The following ANO3 variants were observed in gnomAD, a reference collection of about 807,000 sequenced individuals.
ANO3 encodes anoctamin-3.
In ANO3, 99 loss-of-function variants were observed where a neutral mutation model predicts 144.8. That is an observed-to-expected ratio of 0.68 (90% confidence interval 0.58 to 0.81). The LOEUF is 0.81. Ranked by LOEUF, ANO3 falls within the 30% of genes least tolerant of loss-of-function variation. ANO3 has a pLI of 0.00. For missense variants in ANO3, 905 were observed against 1,202.2 expected, an observed-to-expected ratio of 0.75 and a Z score of 3.66; for synonymous variants, 414 against 392.6, an observed-to-expected ratio of 1.05 and a Z score of -0.64.
At chr11:26,526,429 A>C (rs946025163) in intron 7 of ANO3, among the ~76,000 whole-genome samples, 3 of 152,156 alleles carry the variant, frequency 2.0e-5, no homozygotes, top group Admixed American at 1.3e-4. Context: ...ACCAGTTAAC[A>C]AAGATAAAGC....
chr11:26,468,268 G>A (rs575973937), intron 4 of ANO3, among the ~76,000 whole-genome samples: 2 of 152,020 alleles, frequency 1.3e-5, no homozygotes, highest in Non-Finnish European at 2.9e-5. Flanking sequence ...GATATTTCAC[G>A]GGTCCACCAC....
chr11:26,236,136 G>C (rs1320384400), intron 1 of ANO3, among the ~76,000 whole-genome samples: 2 of 152,014 alleles, frequency 1.3e-5, no homozygotes, highest in Admixed American at 6.6e-5. Context: ...GTGCATCATA[G>C]TTTATTAAAC....
intron 14 of ANO3, among the ~76,000 whole-genome samples, chr11:26,587,963 T>TAAA (rs1240540374): frequency 6.8e-6 from 1 of 147,476 alleles, no homozygotes; most frequent in African/African-American, 2.5e-5. Context: ...AAAAAGTACT[T>TAAA]AAAAAGGTTC....
In ANO3 at chr11:26,661,454, G is replaced by A. The variant is rs1204134382; in HGVS notation, c.*1010G>A. The stretch of plus-strand genomic sequence containing the variant: ...TTTTGCTATTGTAATATGTTTATTC[G>A]GGAAAACTGAGGCCAGATGCTCTGC... On this transcript the variant is annotated 3_prime_UTR_variant, in exon 27 of 27. Coordinates refer to ENST00000256737, the MANE Select transcript of ANO3 (RefSeq NM_031418.4). 3.3e-5 allele frequency: 5 copies of A among 152,408 alleles called. No homozygotes were observed. The highest frequency in any genetic ancestry group is 7.4e-5 in the Non-Finnish European group (5 of 67,994). The allele number at this position is 152,408 out of a possible 1,614,324, so 9.4% of individuals were successfully genotyped here.
chr11:26,643,747 A>AT (rs1853248282), intron 23 of ANO3, among the ~76,000 whole-genome samples: 1 of 152,198 alleles, frequency 6.6e-6, no homozygotes, highest in Non-Finnish European at 1.5e-5. Context: ...AGAAGTGATT[A>AT]AGCCATGATC....
At chr11:26,608,391 C>T (rs11029640) in intron 17 of ANO3, among the ~76,000 whole-genome samples, 1 of 152,118 alleles carries the variant, frequency 6.6e-6, no homozygotes, top group Non-Finnish European at 1.5e-5. Flanking sequence ...TGTCTGACAA[C>T]CCCTGCTGGA....
At chr11:26,552,043 T>C (rs1849946956) in intron 12 of ANO3, among the ~76,000 whole-genome samples, 1 of 152,052 alleles carries the variant, frequency 6.6e-6, no homozygotes, top group Admixed American at 6.6e-5. Context: ...TCAGAAAACC[T>C]AAGCTTGGGG....
intron 14 of ANO3, among the ~76,000 whole-genome samples, chr11:26,594,973 A>G (rs10835006): frequency 0.58 from 88,201 of 151,938 alleles, 27,614 homozygotes; most frequent in East Asian, 0.81. Context: ...TTCTTAGCGT[A>G]TGAGGGTCAA....
intron 1 of ANO3, among the ~76,000 whole-genome samples, chr11:26,257,730 TATAG>T (rs1162191922): frequency 9.9e-5 from 15 of 151,958 alleles, no homozygotes; most frequent in Admixed American, 5.2e-4. Flanking sequence ...CAGTACTCTA[TATAG>T]AAAGACATAA....
At chr11:26,450,802 G>T (rs112356848) in intron 3 of ANO3, among the ~76,000 whole-genome samples, 18 of 152,134 alleles carry the variant, frequency 1.2e-4, no homozygotes, top group Admixed American at 3.3e-4. Flanking sequence ...GTATAGCATC[G>T]ATTTTCAAAT....
chr11:26,433,446 G>A (rs958614268), intron 1 of ANO3, among the ~76,000 whole-genome samples: 1 of 152,130 alleles, frequency 6.6e-6, no homozygotes, highest in African/African-American at 2.4e-5. Flanking sequence ...TAGGAGTGGT[G>A]AGAGAGGGCA....
intron 1 of ANO3, among the ~76,000 whole-genome samples, chr11:26,237,715 C>CT (rs34130440): frequency 1.3e-5 from 2 of 151,894 alleles, no homozygotes; most frequent in African/African-American, 2.4e-5. Flanking sequence ...CTAAAGTAGT[C>CT]TTTTTTTGTA....
intron 17 of ANO3, among the ~76,000 whole-genome samples, chr11:26,608,149 C>T (rs1851988105): frequency 2.0e-5 from 3 of 152,078 alleles, no homozygotes; most frequent in Admixed American, 1.3e-4. Flanking sequence ...TTGATACTGT[C>T]GTTCTTGCTT....
At chr11:26,440,219 G>A (rs1281903611) in intron 1 of ANO3, among the ~76,000 whole-genome samples, 6 of 152,186 alleles carry the variant, frequency 3.9e-5, no homozygotes, top group South Asian at 4.2e-4. Context: ...ATATGTATTC[G>A]TCTGTTTTCA....
At chr11:26,524,905 A>C (rs1849124159) in intron 6 of ANO3, among the ~76,000 whole-genome samples, 1 of 152,074 alleles carries the variant, frequency 6.6e-6, no homozygotes, top group Non-Finnish European at 1.5e-5. Context: ...CCCAATGACG[A>C]CCTCATATGC....
intron 1 of ANO3, among the ~76,000 whole-genome samples, chr11:26,261,620 T>C (rs1028272471): frequency 4.6e-5 from 7 of 152,180 alleles, no homozygotes; most frequent in Admixed American, 2.0e-4. Flanking sequence ...AATGATCCCA[T>C]GCATCACACT....
chr11:26,526,396 C>G (rs937463923), intron 7 of ANO3, among the ~76,000 whole-genome samples: 1 of 152,044 alleles, frequency 6.6e-6, no homozygotes, highest in Non-Finnish European at 1.5e-5. Context: ...TACCCTTGGC[C>G]GTTTTCTGCA....
chr11:26,643,079 A>T, intron 22 of ANO3, 103 bp from the exon 23 acceptor site: 1 of 992,060 alleles, frequency 1.0e-6, no homozygotes, highest in Non-Finnish European at 1.5e-6. Flanking sequence ...AAAGCTATCT[A>T]CTTTGTAAGG....
intron 1 of ANO3, among the ~76,000 whole-genome samples, chr11:26,436,987 G>A (rs1478158460): frequency 6.6e-6 from 1 of 152,060 alleles, no homozygotes; most frequent in Non-Finnish European, 1.5e-5. Context: ...GAGCCAGAGG[G>A]CATCAACAGC....
Sources: allele counts gnomAD v4.1 joint callset (sites outside exome capture counted in the v4.1 genomes callset), GRCh38; gene constraint gnomAD v4.1.1; transcripts MANE v1.5; gene names NCBI Gene and HGNC (gene_info 2026-07-23, HGNC 2026-07-21).